GJC3: variants seen among roughly 807,000 people sequenced by gnomAD.
The protein encoded by GJC3 is gap junction gamma-3 protein.
A neutral mutation model predicts 19.8 loss-of-function variants in GJC3; 17 were observed. The ratio of observed to expected loss-of-function variants is 0.86; its 90% CI spans 0.59 to 1.29. GJC3 has a LOEUF of 1.29. Among genes scored for constraint, GJC3 ranks in the 50% most tolerant of loss-of-function variants. The pLI is 0.00. For synonymous variants in GJC3, 140 were observed against 136.5 expected (o/e 1.03, Z -0.18); for missense variants, 317 against 332.5 (o/e 0.95, Z 0.36).
At chr7:99,926,736 G>T (rs1194844442) in intron 1 of GJC3, among the ~76,000 whole-genome samples, 2 of 152,088 alleles carry the variant, frequency 1.3e-5, no homozygotes, top group African/African-American at 2.4e-5. Flanking sequence ...TTATTAAATT[G>T]GTAGTGTTGA....
chr7:99,923,482 C>G lies in GJC3; in HGVS notation c.*63G>C. ...ACATGTATAGAAAATGGTGAATAAG[C>G]TCCTCCTTGGACAGGATTTTAAGTA... On this transcript the variant is annotated 3_prime_UTR_variant, in exon 2 of 2. Transcript: ENST00000312891. The G allele has an allele frequency of 1.3e-6, 1 of 779,178 alleles. No homozygotes were observed. The highest frequency in any genetic ancestry group is 1.3e-5 in the South Asian group (1 of 74,530). The allele number at this position is 779,178 out of a possible 1,614,324, so 48.3% of individuals were successfully genotyped here.
At chr7:99,923,823 C>G (rs529775765) in intron 1 of GJC3, among the ~76,000 whole-genome samples, 1 of 152,268 alleles carries the variant, frequency 6.6e-6, no homozygotes, top group South Asian at 2.1e-4. Context: ...GGGTTAATTA[C>G]CCTTTAAAAC....
chr7:99,928,503 C>A (rs1251811396), intron 1 of GJC3, among the ~76,000 whole-genome samples: 1 of 152,204 alleles, frequency 6.6e-6, no homozygotes, highest in African/African-American at 2.4e-5. Flanking sequence ...GTCTTTATAA[C>A]TCTGCAAAGT....
In GJC3 at chr7:99,923,458, C is replaced by T. The variant is rs1819721539; in HGVS notation, c.*87G>A. The stretch of plus-strand genomic sequence containing the variant: ...GTCGGTTATGCTGCTACATATGTCA[C>T]ATGTATAGAAAATGGTGAATAAGCT... On this transcript the variant is annotated 3_prime_UTR_variant, in exon 2 of 2. Transcript: ENST00000312891. 5.1e-6 allele frequency: 4 copies of T among 778,248 alleles called. No homozygotes were observed. Among genetic ancestry groups the T allele is most frequent in the Non-Finnish European group, 9.6e-6 (4 of 417,852 alleles). 48.2% of individuals were successfully genotyped at this position (778,248 alleles called of 1,614,324 possible). A position where few individuals can be genotyped will look rare whatever the true frequency, so the allele number is the denominator to read the frequency against.
chr7:99,923,287 T>C lies in GJC3; in HGVS notation c.*258A>G. ...CAAGGAGGATTTCCCAGGGGGATTTTATTACTTGCGATAAGTAAGGAGGAC... is the reference window on the plus strand; with the variant it reads ...CAAGGAGGATTTCCCAGGGGGATTTCATTACTTGCGATAAGTAAGGAGGAC... On this transcript the variant is annotated 3_prime_UTR_variant, in exon 2 of 2. Transcript: ENST00000312891. The C allele has an allele frequency of 5.7e-6, 3 of 525,586 alleles. No homozygotes were observed. The highest frequency in any genetic ancestry group is 1.0e-5 in the Non-Finnish European group (3 of 290,680). 32.6% of individuals were successfully genotyped at this position (525,586 alleles called of 1,614,324 possible).
At chr7:99,929,919 ATC>A (rs1233923814), upstream of GJC3, among the ~76,000 whole-genome samples, 1 of 152,000 alleles carries the variant, frequency 6.6e-6, no homozygotes. Flanking sequence ...ATACATCTTC[ATC>A]TCTCTCTTTC....
upstream of GJC3, among the ~76,000 whole-genome samples, chr7:99,929,906 A>G (rs947646882): frequency 6.6e-6 from 1 of 152,196 alleles, no homozygotes; most frequent in Non-Finnish European, 1.5e-5. Flanking sequence ...TGGAGAGACC[A>G]GGATACATCT....
chr7:99,923,632 C>T, intron 1 of GJC3, 29 bp from the exon 2 acceptor site: 1 of 780,046 alleles, frequency 1.3e-6, no homozygotes. Flanking sequence ...CAAGATGTAA[C>T]AGTTACAAGT....
At chr7:99,926,980 G>A (rs561411478) in intron 1 of GJC3, among the ~76,000 whole-genome samples, 3 of 152,338 alleles carry the variant, frequency 2.0e-5, no homozygotes, top group South Asian at 2.1e-4. Flanking sequence ...TCAAGGGCAC[G>A]GATACACAAT....
intron 1 of GJC3, among the ~76,000 whole-genome samples, chr7:99,926,454 C>A (rs371150282): frequency 6.6e-5 from 10 of 152,096 alleles, no homozygotes; most frequent in Admixed American, 3.9e-4. Flanking sequence ...GTGGTATCTC[C>A]TTAAACAAAA....
chr7:99,927,267 T>C (rs1819822158), intron 1 of GJC3, among the ~76,000 whole-genome samples: 1 of 152,258 alleles, frequency 6.6e-6, no homozygotes, highest in African/African-American at 2.4e-5. Context: ...GAAACAGCCT[T>C]AGGTTCCCTT....
intron 1 of GJC3, among the ~76,000 whole-genome samples, chr7:99,926,364 T>C (rs1333069388): frequency 6.6e-6 from 1 of 150,684 alleles, no homozygotes; most frequent in South Asian, 2.1e-4. Flanking sequence ...TACACATATG[T>C]TCATAGCAAC....
rs1431541496 is a variant in GJC3, at chr7:99,929,381, C to A, written c.240G>T (p.Gln80His). 1 of 1,614,100 alleles carries A rather than the reference C, an allele frequency of 6.2e-7. No homozygotes were observed. Among genetic ancestry groups the A allele is most frequent in the Non-Finnish European group, 8.5e-7 (1 of 1,180,046 alleles). Reference sequence around the variant, plus strand: ...CGCTGGGTACAGCCACCAAGATGACCTGGAAGACCCAGAAACGCAGCGGGG... The same window carrying A: ...CGCTGGGTACAGCCACCAAGATGACATGGAAGACCCAGAAACGCAGCGGGG... ...PLSPLRFWVF[Q>H]VILVAVPSAL... Residue 80 changes from glutamine (Q) to histidine (H), a missense_variant, in exon 1 of 2, where the codon CAG (glutamine) becomes CAT (histidine). By Grantham distance (24) the Gln-to-His change is conservative (BLOSUM62 0). Coordinates refer to ENST00000312891, the MANE Select transcript of GJC3 (RefSeq NM_181538.3).
At chr7:99,924,955 T>G (rs1819761727) in intron 1 of GJC3, among the ~76,000 whole-genome samples, 1 of 152,206 alleles carries the variant, frequency 6.6e-6, no homozygotes, top group African/African-American at 2.4e-5. Context: ...ATAAATGATG[T>G]TAAACATCTT....
rs765928253 is a variant in GJC3 at position 99,929,456 on chromosome 7, G to A, written c.165C>T (p.Thr55=). Residue 55 remains threonine (T), a synonymous_variant, in exon 1 of 2, where the codon ACC becomes ACT. Transcript: ENST00000312891. The part of the protein sequence containing the change: ...GDEQSEFVCH[T]QQPGCKAACF... ...AGGCAGCCTTGCAGCCCGGCTGCTG[G>A]GTGTGACACACGAATTCACTCTGCT... The A allele has an allele frequency of 1.2e-6, 2 of 1,613,504 alleles. No individual in the cohort carries two copies. Among genetic ancestry groups the A allele is most frequent in the South Asian group, 1.1e-5 (1 of 91,068 alleles).
chr7:99,923,487 C>G lies in GJC3; in HGVS notation c.*58G>C. The G allele has an allele frequency of 1.3e-6, 1 of 779,320 alleles. No individual in the cohort carries two copies. The highest frequency in any genetic ancestry group is 2.4e-6 in the Non-Finnish European group (1 of 418,066). 48.3% of individuals were successfully genotyped at this position (779,320 alleles called of 1,614,324 possible). On this transcript the variant is annotated 3_prime_UTR_variant, in exon 2 of 2. Transcript: ENST00000312891. ...TATAGAAAATGGTGAATAAGCTCCT[C>G]CTTGGACAGGATTTTAAGTATGGTG... is the stretch of plus-strand genomic sequence containing the variant.
intron 1 of GJC3, among the ~76,000 whole-genome samples, chr7:99,924,685 A>G (rs1377312871): frequency 2.0e-5 from 3 of 152,224 alleles, no homozygotes; most frequent in Non-Finnish European, 4.4e-5. Context: ...TCAATTATTT[A>G]TATTATGAAT....
intron 1 of GJC3, among the ~76,000 whole-genome samples, chr7:99,925,234 G>C (rs1029465150): frequency 2.0e-5 from 3 of 151,918 alleles, no homozygotes; most frequent in Admixed American, 1.3e-4. Context: ...TTGCATACCT[G>C]TATCAAAATA....
chr7:99,923,882 T>A (rs1819734468), intron 1 of GJC3, among the ~76,000 whole-genome samples: 1 of 152,176 alleles, frequency 6.6e-6, no homozygotes, highest in African/African-American at 2.4e-5. Flanking sequence ...CAGAGCATCC[T>A]AATGACATTC....
Sources: gnomAD v4.1 joint callset for allele counts (sites outside exome capture counted in the v4.1 genomes callset) on GRCh38, gnomAD v4.1.1 for gene constraint, MANE v1.5 for transcripts, NCBI Gene and HGNC (gene_info 2026-07-23, HGNC 2026-07-21) for gene names.